LPXN: variants seen among roughly 807,000 people sequenced by gnomAD.
LPXN encodes leupaxin.
LPXN carries 28 observed loss-of-function variants against 45.6 expected under a neutral mutation model. The ratio of observed to expected loss-of-function variants is 0.61; its 90% CI spans 0.45 to 0.84. LPXN has a LOEUF of 0.84. Among genes scored for constraint, LPXN ranks in the 40% least tolerant of loss-of-function variants. LPXN has a pLI of 0.00. For synonymous variants in LPXN, 166 were observed against 169.9 expected (o/e 0.98, Z 0.18); for missense variants, 459 against 475.0 (o/e 0.97, Z 0.31).
At chr11:58,557,415 T>C (rs986195444) in intron 3 of LPXN, among the ~76,000 whole-genome samples, 9 of 152,148 alleles carry the variant, frequency 5.9e-5, no homozygotes. Flanking sequence ...TGTCATAGCA[T>C]TGATGAATTG....
At chr11:58,574,197 T>C (rs1854805231) in intron 1 of LPXN, among the ~76,000 whole-genome samples, 1 of 152,210 alleles carries the variant, frequency 6.6e-6, no homozygotes, top group African/African-American at 2.4e-5. Context: ...ACTTGGTACT[T>C]TCTGTATTTC....
intron 3 of LPXN, 65 bp from the exon 4 acceptor site, chr11:58,555,005 T>C: frequency 2.9e-6 from 3 of 1,028,326 alleles, no homozygotes; most frequent in Non-Finnish European, 4.6e-6. Context: ...AAACCACACA[T>C]AAAGTACTGG....
rs886767449 is a variant in LPXN, at chr11:58,528,307, C to G, written c.743-116G>C. On this transcript the variant is annotated intron_variant, in intron 7 of 8. Transcript: ENST00000395074. ...CCTCATATTCAAAATAGGATGATTA[C>G]TGTTACCTAATTCAAAGGGTAGTTG... 9.6e-6 allele frequency: 9 copies of G among 932,812 alleles called. No individual in the cohort carries two copies. In the Admixed American group the frequency reaches 1.4e-4, roughly 14 times the overall value. 57.8% of individuals were successfully genotyped at this position (932,812 alleles called of 1,614,324 possible). A position where few individuals can be genotyped will look rare whatever the true frequency, so the allele number is the denominator to read the frequency against.
At chr11:58,536,460 A>C (rs1853557752) in intron 7 of LPXN, among the ~76,000 whole-genome samples, 1 of 152,256 alleles carries the variant, frequency 6.6e-6, no homozygotes, top group Non-Finnish European at 1.5e-5. Context: ...AGCCATATGC[A>C]GAAAACTGAA....
chr11:58,567,210 A>G (rs1854551447), intron 2 of LPXN, among the ~76,000 whole-genome samples: 1 of 152,176 alleles, frequency 6.6e-6, no homozygotes, highest in Non-Finnish European at 1.5e-5. Context: ...CTCTATTAAC[A>G]TTTGTATTCA....
At chr11:58,574,089 G>T (rs1854801382) in intron 1 of LPXN, among the ~76,000 whole-genome samples, 1 of 152,178 alleles carries the variant, frequency 6.6e-6, no homozygotes. Flanking sequence ...TAGTTACTGG[G>T]CTGATGACAA....
chr11:58,542,031 G>A (rs12290992), intron 7 of LPXN, among the ~76,000 whole-genome samples: 1,614 of 151,708 alleles, frequency 0.011, 38 homozygotes, highest in African/African-American at 0.037. Flanking sequence ...CACACTCTGA[G>A]GACTGTTGTG....
At chr11:58,562,927 G>C (rs986670239) in intron 3 of LPXN, among the ~76,000 whole-genome samples, 2 of 152,148 alleles carry the variant, frequency 1.3e-5, no homozygotes, top group African/African-American at 4.8e-5. Context: ...AAACCCAAGG[G>C]GTCAGCTCCC....
chr11:58,560,197 T>A (rs2120354229), intron 3 of LPXN, among the ~76,000 whole-genome samples: 1 of 152,300 alleles, frequency 6.6e-6, no homozygotes, highest in South Asian at 2.1e-4. Flanking sequence ...GGCCAACAGA[T>A]GAAGTGGTGG....
intron 7 of LPXN, among the ~76,000 whole-genome samples, chr11:58,548,023 G>A (rs961559240): frequency 2.0e-5 from 3 of 152,142 alleles, no homozygotes; most frequent in Non-Finnish European, 1.5e-5. Context: ...AATGGGTCAT[G>A]TAGAAAGGAT....
chr11:58,577,600 A>C (rs1854940132), upstream of LPXN, among the ~76,000 whole-genome samples: 1 of 152,234 alleles, frequency 6.6e-6, no homozygotes, highest in Non-Finnish European at 1.5e-5. Flanking sequence ...CTGCATCACC[A>C]ACTGCAACGG....
rs1436910321 is a variant in LPXN, at chr11:58,565,889, T to C, written c.172-1688A>G. Among the ~76,000 whole-genome samples the C allele has an allele frequency of 2.6e-5, 4 of 152,016 alleles. No individual in the cohort carries two copies. The East Asian group carries it at 5.9e-4, about 22-fold the overall frequency. ...GGTGGGTGCCTGTAGTCCCAGCTAC[T>C]CGGGAGGCTGAGACAGGAGAATTGC... On this transcript the variant is annotated intron_variant, in intron 2 of 8. Transcript: ENST00000395074.
chr11:58,547,358 A>G (rs1853906028), intron 7 of LPXN, among the ~76,000 whole-genome samples: 1 of 152,248 alleles, frequency 6.6e-6, no homozygotes, highest in Admixed American at 6.5e-5. Flanking sequence ...AGGAGAGAAT[A>G]GCTAGTCAAG....
chr11:58,573,156 G>A (rs780810162), intron 1 of LPXN, among the ~76,000 whole-genome samples: 6 of 150,604 alleles, frequency 4.0e-5, no homozygotes, highest in African/African-American at 7.3e-5. Flanking sequence ...TGAGGCAGGC[G>A]AAACGCTTGA....
intron 7 of LPXN, among the ~76,000 whole-genome samples, chr11:58,544,410 A>T (rs1417265062): frequency 6.6e-6 from 1 of 152,166 alleles, no homozygotes. Flanking sequence ...ATGCTGCATA[A>T]AGCAAATGAC....
intron 3 of LPXN, among the ~76,000 whole-genome samples, chr11:58,559,649 G>A (rs1854312808): frequency 6.6e-6 from 1 of 152,184 alleles, no homozygotes; most frequent in African/African-American, 2.4e-5. Flanking sequence ...GCTGAGGTAG[G>A]AGGACTGCTT....
chr11:58,578,060 C>G (rs1223143991), upstream of LPXN: 1 of 1,550,186 alleles, frequency 6.5e-7, no homozygotes. Context: ...CGCTGGCTAG[C>G]CAGTCCCAGA....
chr11:58,539,983 G>C (rs564821694), intron 7 of LPXN, among the ~76,000 whole-genome samples: 58 of 152,230 alleles, frequency 3.8e-4, no homozygotes, highest in African/African-American at 1.4e-3. Flanking sequence ...GTCAATGTTA[G>C]TATCAATAAA....
intron 6 of LPXN, 36 bp downstream of exon 6, chr11:58,549,935 AGT>A: frequency 6.2e-7 from 1 of 1,613,874 alleles, no homozygotes; most frequent in South Asian, 1.1e-5. Context: ...GTTCTAAGTG[AGT>A]GACTGAAAGC....
Sources: allele counts gnomAD v4.1 joint callset (sites outside exome capture counted in the v4.1 genomes callset), GRCh38; gene constraint gnomAD v4.1.1; transcripts MANE v1.5; gene names NCBI Gene and HGNC (gene_info 2026-07-23, HGNC 2026-07-21).